Variants in TFB1M observed in about 807,000 individuals in gnomAD.
TFB1M encodes the protein dimethyladenosine transferase 1, mitochondrial.
A neutral mutation model predicts 31.1 loss-of-function variants in TFB1M; 27 were observed. The ratio of observed to expected loss-of-function variants is 0.87; its 90% CI spans 0.64 to 1.20. TFB1M has a LOEUF of 1.20. Ranked by LOEUF, TFB1M falls within the 50% of genes most tolerant of loss-of-function variation. TFB1M has a pLI of 0.00. For synonymous variants in TFB1M, 166 were observed against 151.8 expected, an observed-to-expected ratio of 1.09 and a Z score of -0.69; for missense variants, 394 against 418.7, an observed-to-expected ratio of 0.94 and a Z score of 0.51.
At chr6:155,297,145 A>G (rs1443811617) in intron 3 of TFB1M, 41 bp from the exon 4 acceptor site, 3 of 1,595,188 alleles carry the variant, frequency 1.9e-6, no homozygotes, top group Non-Finnish European at 2.6e-6. Flanking sequence ...GATTCCATCA[A>G]TATATTCTGA....
intron 2 of TFB1M, among the ~76,000 whole-genome samples, chr6:155,300,681 G>C (rs1777384743): frequency 6.6e-6 from 1 of 152,206 alleles, no homozygotes; most frequent in Admixed American, 6.5e-5. Context: ...AAATTTGGCT[G>C]TTTGACGTTA....
the TFB1M span, chr6:155,248,267 T>G: frequency 2.1e-6 from 3 of 1,436,866 alleles, no homozygotes; most frequent in Non-Finnish European, 2.8e-6. Context: ...AGCTCACCTC[T>G]TCCCCGCCTA....
intron 4 of TFB1M, among the ~76,000 whole-genome samples, chr6:155,286,235 ACT>A (rs758291421): frequency 5.9e-5 from 9 of 152,096 alleles, no homozygotes; most frequent in Non-Finnish European, 1.0e-4. Context: ...AACCAAAAAA[ACT>A]CTAAGCAAAT....
At chr6:155,250,185 C>T in the TFB1M span, among the ~76,000 whole-genome samples, 1 of 151,992 alleles carries the variant, frequency 6.6e-6, no homozygotes, top group Non-Finnish European at 1.5e-5. Context: ...GTCACGTTCA[C>T]ATTGTCTGGA....
At chr6:155,285,901 A>G (rs324359) in intron 4 of TFB1M, among the ~76,000 whole-genome samples, 107,969 of 151,944 alleles carry the variant, frequency 0.71, 38,763 homozygotes, top group East Asian at 0.98. Flanking sequence ...AAGTCCAACA[A>G]GATTTTAAAA....
chr6:155,241,949 G>A, the TFB1M span, among the ~76,000 whole-genome samples: 1 of 152,204 alleles, frequency 6.6e-6, no homozygotes, highest in Non-Finnish European at 1.5e-5. Flanking sequence ...GCAGAGTTGA[G>A]AGGAGAATCG....
At chr6:155,250,801 A>T in the TFB1M span, 1 of 1,248,360 alleles carries the variant, frequency 8.0e-7, no homozygotes, top group Non-Finnish European at 1.2e-6. Flanking sequence ...CATAAAAATT[A>T]AACCAGCTGT....
chr6:155,244,743 C>A, the TFB1M span: 1 of 1,613,924 alleles, frequency 6.2e-7, no homozygotes, highest in Non-Finnish European at 8.5e-7. Context: ...ATTTCAGCAT[C>A]ATCTGACTTT....
chr6:155,291,244 G>T (rs1583356004), intron 4 of TFB1M, among the ~76,000 whole-genome samples: 1 of 152,180 alleles, frequency 6.6e-6, no homozygotes, highest in Non-Finnish European at 1.5e-5. Context: ...TGAAACTGCA[G>T]GATACCCAGC....
chr6:155,260,601 G>A (rs41284230), intron 5 of TFB1M: 39,193 of 654,266 alleles, frequency 0.06, 1,454 homozygotes, highest in Middle Eastern at 0.096. Flanking sequence ...GAAATCAGCC[G>A]GCTGCACCTG....
intron 5 of TFB1M, among the ~76,000 whole-genome samples, chr6:155,272,002 G>A (rs912301002): frequency 9.2e-5 from 14 of 152,092 alleles, no homozygotes; most frequent in African/African-American, 3.4e-4. Flanking sequence ...AACACCATCA[G>A]CAGTTTTTAC....
chr6:155,252,119 C>A, downstream of TFB1M: 1 of 717,480 alleles, frequency 1.4e-6, no homozygotes. Flanking sequence ...ACTGCTTACT[C>A]TGAGGGTAAC....
chr6:155,251,938 T>C (rs756655114), downstream of TFB1M: 1 of 1,598,960 alleles, frequency 6.3e-7, no homozygotes, highest in Non-Finnish European at 8.5e-7. Flanking sequence ...TCTTTTCCTT[T>C]CTTTAGTTTT....
At chr6:155,289,933 C>A (rs549020981) in intron 4 of TFB1M, among the ~76,000 whole-genome samples, 2 of 152,320 alleles carry the variant, frequency 1.3e-5, no homozygotes, top group African/African-American at 4.8e-5. Context: ...GCCACATAAA[C>A]CATGCCTGCT....
chr6:155,278,495 T>G (rs191517374), intron 5 of TFB1M, among the ~76,000 whole-genome samples: 181 of 152,370 alleles, frequency 1.2e-3, no homozygotes, highest in African/African-American at 4.2e-3. Context: ...CTCTGCATTC[T>G]CAGTGACATG....
chr6:155,237,468 G>GGT, the TFB1M span, among the ~76,000 whole-genome samples: 1 of 152,226 alleles, frequency 6.6e-6, no homozygotes, highest in South Asian at 2.1e-4. Context: ...TCCACTAGGC[G>GGT]GTGCCCCAGT....
chr6:155,263,039 C>T (rs993234554), intron 5 of TFB1M, among the ~76,000 whole-genome samples: 5 of 152,110 alleles, frequency 3.3e-5, no homozygotes, highest in African/African-American at 9.7e-5. Context: ...TAAAACTCAG[C>T]GTCAACAAAG....
chr6:155,253,163 T>C, downstream of TFB1M: 1 of 897,626 alleles, frequency 1.1e-6, no homozygotes. Flanking sequence ...TTTTATTTTA[T>C]AGACAAGGAA....
In TFB1M at chr6:155,296,933, C is replaced by T; in HGVS notation, c.546+20G>A. The stretch of plus-strand genomic sequence containing the variant: ...GAATTTGAACATGTGATAAAATAGT[C>T]ACAAAATGTTAAAACTTACCTCTGC... On this transcript the variant is annotated intron_variant, in intron 4 of 6. Coordinates refer to ENST00000367166, the MANE Select transcript of TFB1M (RefSeq NM_016020.4). 6.2e-7 allele frequency: 1 copy of T among 1,610,012 alleles called. No homozygotes were observed. The highest frequency in any genetic ancestry group is 1.7e-4 in the Middle Eastern group (1 of 6,042).
Sources: allele counts gnomAD v4.1 joint callset (sites outside exome capture counted in the v4.1 genomes callset), GRCh38; gene constraint gnomAD v4.1.1; transcripts MANE v1.5; gene names NCBI Gene and HGNC (gene_info 2026-07-23, HGNC 2026-07-21).